Variants in SLC30A9 observed in about 807,000 individuals in gnomAD.
The protein encoded by SLC30A9 is proton-coupled zinc antiporter SLC30A9, mitochondrial.
A neutral mutation model predicts 87.5 loss-of-function variants in SLC30A9; 58 were observed. That is an observed-to-expected ratio of 0.66 (90% CI 0.54 to 0.82). SLC30A9 has a LOEUF of 0.82. Ranked by LOEUF, SLC30A9 falls within the 40% of genes least tolerant of loss-of-function variation. The pLI, the probability that SLC30A9 is intolerant of heterozygous loss-of-function variation, is 0.00. For synonymous variants in SLC30A9, 234 were observed against 233.0 expected, an observed-to-expected ratio of 1.00 and a Z score of -0.04; for missense variants, 557 against 679.1, an observed-to-expected ratio of 0.82 and a Z score of 2.00.
intron 6 of SLC30A9, among the ~76,000 whole-genome samples, chr4:42,026,010 G>C (rs1339751758): frequency 6.6e-6 from 1 of 152,062 alleles, no homozygotes; most frequent in African/African-American, 2.4e-5. Context: ...CTGGAATACA[G>C]TGGCTATTCT....
At chr4:42,065,418 A>C (rs1373528058) in intron 12 of SLC30A9, 69 bp downstream of exon 12, 2 of 869,244 alleles carry the variant, frequency 2.3e-6, no homozygotes, top group Non-Finnish European at 3.8e-6. Flanking sequence ...CCATTATTAT[A>C]GTTTGCTAAG....
intron 9 of SLC30A9, among the ~76,000 whole-genome samples, chr4:42,052,588 T>C (rs538255617): frequency 6.6e-6 from 1 of 152,318 alleles, no homozygotes; most frequent in African/African-American, 2.4e-5. Context: ...CAGAGCCACA[T>C]TTACATGGCC....
chr4:42,010,573 A>C (rs578183778), intron 2 of SLC30A9, among the ~76,000 whole-genome samples: 6 of 152,346 alleles, frequency 3.9e-5, no homozygotes, highest in Admixed American at 1.3e-4. Context: ...AAATATACTA[A>C]AAATTACCTG....
intron 8 of SLC30A9, among the ~76,000 whole-genome samples, chr4:42,043,242 C>T (rs1354864728): frequency 6.6e-6 from 1 of 152,038 alleles, no homozygotes; most frequent in East Asian, 1.9e-4. Flanking sequence ...ACGAAGTAGG[C>T]TTCAGAAAGT....
chr4:42,050,837 G>A (rs1717354920), intron 9 of SLC30A9, among the ~76,000 whole-genome samples: 1 of 152,194 alleles, frequency 6.6e-6, no homozygotes, highest in Non-Finnish European at 1.5e-5. Context: ...ATTTGGGATA[G>A]TGGAGCAGGA....
At chr4:42,074,307 T>C (rs1451144743) in intron 15 of SLC30A9, among the ~76,000 whole-genome samples, 1 of 152,220 alleles carries the variant, frequency 6.6e-6, no homozygotes, top group Non-Finnish European at 1.5e-5. Context: ...GGGTCTAATG[T>C]TGTAAGAATA....
At chr4:41,995,779 A>G (rs1301002076) in intron 1 of SLC30A9, among the ~76,000 whole-genome samples, 1 of 152,246 alleles carries the variant, frequency 6.6e-6, no homozygotes, top group Non-Finnish European at 1.5e-5. Flanking sequence ...ACAGGATCAC[A>G]GCTCACCGCA....
intron 9 of SLC30A9, among the ~76,000 whole-genome samples, chr4:42,053,419 G>T (rs1364280480): frequency 6.6e-6 from 1 of 152,078 alleles, no homozygotes; most frequent in Non-Finnish European, 1.5e-5. Context: ...GGCTGGGCGC[G>T]GTGGCTCACG....
At chr4:42,055,201 A>C (rs1388149204) in intron 9 of SLC30A9, among the ~76,000 whole-genome samples, 1 of 152,054 alleles carries the variant, frequency 6.6e-6, no homozygotes, top group African/African-American at 2.4e-5. Context: ...TTTCAACTGG[A>C]CCTTTCTGAA....
intron 14 of SLC30A9, among the ~76,000 whole-genome samples, chr4:42,069,585 A>T (rs1718223313): frequency 6.6e-6 from 1 of 152,220 alleles, no homozygotes; most frequent in Non-Finnish European, 1.5e-5. Flanking sequence ...AGCAAAATAT[A>T]TGTTTTATCA....
intron 6 of SLC30A9, among the ~76,000 whole-genome samples, chr4:42,032,697 A>G (rs4861156): frequency 0.15 from 22,684 of 152,078 alleles, 1,926 homozygotes; most frequent in African/African-American, 0.23. Context: ...AGGAAAGAAC[A>G]AAGTAGCAGT....
chr4:42,048,141 G>T (rs557355229), intron 8 of SLC30A9, among the ~76,000 whole-genome samples: 103 of 152,182 alleles, frequency 6.8e-4, no homozygotes, highest in African/African-American at 2.4e-3. Flanking sequence ...ACGGGTTGAT[G>T]GGTGCAGCAA....
intron 14 of SLC30A9, among the ~76,000 whole-genome samples, chr4:42,069,719 T>C (rs952507539): frequency 5.3e-5 from 8 of 152,254 alleles, no homozygotes; most frequent in Non-Finnish European, 4.4e-5. Context: ...GTGTCTATTA[T>C]ATAAATATTA....
chr4:42,037,833 C>T (rs1178778207), intron 7 of SLC30A9, among the ~76,000 whole-genome samples: 1 of 152,024 alleles, frequency 6.6e-6, no homozygotes, highest in Non-Finnish European at 1.5e-5. Flanking sequence ...GTGTTGCCCA[C>T]GATCTCAGCT....
chr4:42,053,096 G>A (rs1717449654), intron 9 of SLC30A9, among the ~76,000 whole-genome samples: 1 of 152,184 alleles, frequency 6.6e-6, no homozygotes, highest in Non-Finnish European at 1.5e-5. Flanking sequence ...ATGAATGGTG[G>A]CCAGTGGACA....
At chr4:42,025,768 C>A (rs1456594003) in intron 6 of SLC30A9, among the ~76,000 whole-genome samples, 1 of 152,092 alleles carries the variant, frequency 6.6e-6, no homozygotes, top group Non-Finnish European at 1.5e-5. Flanking sequence ...CGGGTTCATG[C>A]CATTCTCCTG....
intron 6 of SLC30A9, among the ~76,000 whole-genome samples, chr4:42,023,986 C>T (rs9291208): frequency 0.65 from 98,358 of 152,014 alleles, 36,005 homozygotes; most frequent in East Asian, 0.96. Flanking sequence ...AGTCACCTCC[C>T]ACCATGGCCT....
chr4:42,075,889 T>G, intron 16 of SLC30A9, 103 bp downstream of exon 16: 1 of 1,118,200 alleles, frequency 8.9e-7, no homozygotes, highest in South Asian at 1.6e-5. Context: ...GCACTTTAGC[T>G]CTCAACTTCT....
chr4:41,991,074 T>C (rs1714417379), intron 1 of SLC30A9, among the ~76,000 whole-genome samples: 1 of 152,278 alleles, frequency 6.6e-6, no homozygotes, highest in South Asian at 2.1e-4. Context: ...TGTCCCGCGG[T>C]TACTCACCTC....
Sources: allele counts gnomAD v4.1 joint callset (sites outside exome capture counted in the v4.1 genomes callset), GRCh38; gene constraint gnomAD v4.1.1; transcripts MANE v1.5; gene names NCBI Gene and HGNC (gene_info 2026-07-23, HGNC 2026-07-21).